FIP1L1: variants seen among roughly 807,000 people sequenced by gnomAD.
FIP1L1 encodes factor interacting with PAPOLA and CPSF1.
A neutral mutation model predicts 84.6 loss-of-function variants in FIP1L1; 21 were observed. The ratio of observed to expected loss-of-function variants is 0.25; its 90% CI spans 0.18 to 0.36. The LOEUF (loss-of-function observed/expected upper bound fraction) is 0.36. Among genes scored for constraint, FIP1L1 ranks in the 10% least tolerant of loss-of-function variants. The pLI is 1.00. For synonymous variants in FIP1L1, 263 were observed against 242.3 expected (o/e 1.09, Z -0.80); for missense variants, 526 against 751.1 (o/e 0.70, Z 3.50).
intron 13 of FIP1L1, among the ~76,000 whole-genome samples, chr4:53,430,913 T>C (rs1766366242): frequency 6.6e-6 from 1 of 152,228 alleles, no homozygotes; most frequent in Non-Finnish European, 1.5e-5. Context: ...CTAACTGGTA[T>C]ATGTGCTGAG....
intron 10 of FIP1L1, among the ~76,000 whole-genome samples, chr4:53,410,908 C>T (rs1756905802): frequency 6.6e-6 from 1 of 152,226 alleles, no homozygotes; most frequent in East Asian, 1.9e-4. Flanking sequence ...TTCAGGCATC[C>T]ACTGGAGGCC....
At chr4:53,427,983 A>G (rs745525323) in intron 12 of FIP1L1, 44 bp from the exon 13 acceptor site, 16 of 1,411,936 alleles carry the variant, frequency 1.1e-5, no homozygotes, top group Admixed American at 1.9e-5. Flanking sequence ...TTAATCTTAC[A>G]TAATATTTAT....
intron 5 of FIP1L1, among the ~76,000 whole-genome samples, chr4:53,388,431 T>C (rs1204476866): frequency 6.6e-6 from 1 of 152,076 alleles, no homozygotes; most frequent in Non-Finnish European, 1.5e-5. Context: ...GCCTCCTGGG[T>C]TCACGCCATT....
At chr4:53,428,229 C>A in intron 13 of FIP1L1, 46 bp downstream of exon 13, 2 of 1,470,816 alleles carry the variant, frequency 1.4e-6, no homozygotes, top group Admixed American at 2.2e-5. Context: ...AAATAGCTTG[C>A]GAGTGTTTTT....
intron 4 of FIP1L1, among the ~76,000 whole-genome samples, chr4:53,382,868 A>C (rs1478816796): frequency 3.3e-5 from 5 of 152,228 alleles, no homozygotes; most frequent in Admixed American, 2.0e-4. Flanking sequence ...CTTATTTACT[A>C]TGATGTGATT....
intron 3 of FIP1L1, among the ~76,000 whole-genome samples, chr4:53,380,956 A>G (rs893362050): frequency 5.3e-5 from 8 of 152,270 alleles, no homozygotes; most frequent in African/African-American, 1.9e-4. Flanking sequence ...CTAATCAAAC[A>G]TTCTTTAATT....
rs1749211441 is a variant in FIP1L1, at chr4:53,399,654, T to G, written c.706-76T>G. 3.3e-6 allele frequency: 3 copies of G among 906,880 alleles called. No homozygotes were observed. The East Asian group carries it at 7.3e-5, about 22-fold the overall frequency. The allele number at this position is 906,880 out of a possible 1,614,324, so 56.2% of individuals were successfully genotyped here. ...TAACTTCAAATTAAATGTTGTAAAC[T>G]TATTTTAACATCTAAAGTCCATTAT... is the stretch of plus-strand genomic sequence containing the variant. On this transcript the variant is annotated intron_variant, in intron 9 of 17. Transcript: ENST00000337488.
At chr4:53,410,697 A>G (rs1051313354) in intron 10 of FIP1L1, among the ~76,000 whole-genome samples, 1 of 152,262 alleles carries the variant, frequency 6.6e-6, no homozygotes, top group Non-Finnish European at 1.5e-5. Flanking sequence ...GATGTGTAAC[A>G]TAACTATTTG....
At chr4:53,447,100 A>G (rs1320563618) in intron 15 of FIP1L1, among the ~76,000 whole-genome samples, 1 of 151,878 alleles carries the variant, frequency 6.6e-6, no homozygotes, top group Non-Finnish European at 1.5e-5. Flanking sequence ...TTTGTTGGTG[A>G]TTTCTGTTTT....
intron 5 of FIP1L1, among the ~76,000 whole-genome samples, chr4:53,388,181 A>G (rs554918542): frequency 6.6e-6 from 1 of 152,334 alleles, no homozygotes; most frequent in East Asian, 1.9e-4. Flanking sequence ...TAAATGTAGT[A>G]CATCAGAGAC....
intron 9 of FIP1L1, among the ~76,000 whole-genome samples, chr4:53,393,411 AC>A (rs1243746194): frequency 6.6e-6 from 1 of 152,232 alleles, no homozygotes. Flanking sequence ...TTTTCATTAA[AC>A]AATTTGCAAA....
At chr4:53,434,270 C>G (rs1221156602) in intron 13 of FIP1L1, among the ~76,000 whole-genome samples, 1 of 151,814 alleles carries the variant, frequency 6.6e-6, no homozygotes, top group South Asian at 2.1e-4. Flanking sequence ...TGTACTTTTC[C>G]TAGAATAATT....
Position 53,377,783 on chromosome 4 carries a change from G to A in FIP1L1, c.-56G>A, listed in dbSNP as rs1241143697. 6.9e-7 allele frequency: 1 copy of A among 1,450,432 alleles called. No individual in the cohort carries two copies. The highest frequency in any genetic ancestry group is 2.5e-5 in the Admixed American group (1 of 40,002). The allele number at this position is 1,450,432 out of a possible 1,614,324, so 89.8% of individuals were successfully genotyped here. A position where few individuals can be genotyped will look rare whatever the true frequency, so the allele number is the denominator to read the frequency against. On this transcript the variant is annotated 5_prime_UTR_variant, in exon 1 of 18. Coordinates refer to ENST00000337488, the MANE Select transcript of FIP1L1 (RefSeq NM_030917.4). ...TCGCGCCTCGGGGCTGCGAGGCTGG[G>A]GAAGGGGTTGGAGGGGGCTGTTGAT...
At chr4:53,417,530 T>A (rs1760035157) in intron 11 of FIP1L1, among the ~76,000 whole-genome samples, 1 of 148,770 alleles carries the variant, frequency 6.7e-6, no homozygotes, top group Non-Finnish European at 1.5e-5. Context: ...TAATCCCAGC[T>A]ACTCGGGAGG....
chr4:53,377,860 C>A lies in FIP1L1; in HGVS notation c.22C>A (p.Arg8Ser). ...GGCCATGTCGGCCGGCGAGGTCGAG[C>A]GCCTAGTGTCGGAGCTGAGCGGCGG... MSAGEVE[R>S]LVSELSGGTG... The change falls in exon 1 of 18, where the codon CGC (arginine) becomes AGC (serine). Residue 8 changes from arginine (R) to serine (S), a missense_variant. By Grantham distance (110) the Arg-to-Ser change is moderately radical. Transcript: ENST00000337488. 1 of 1,595,100 alleles carries A rather than the reference C, an allele frequency of 6.3e-7. No individual in the cohort carries two copies.
At chr4:53,438,230 C>T (rs1770351985) in intron 13 of FIP1L1, among the ~76,000 whole-genome samples, 1 of 152,036 alleles carries the variant, frequency 6.6e-6, no homozygotes, top group South Asian at 2.1e-4. Context: ...AGTCTGTTGT[C>T]TAGGTTAGGC....
intron 13 of FIP1L1, among the ~76,000 whole-genome samples, chr4:53,434,155 CTG>C (rs1768019057): frequency 1.3e-5 from 2 of 152,056 alleles, no homozygotes; most frequent in Admixed American, 6.5e-5. Flanking sequence ...TATGTTTTAT[CTG>C]TTTTTTAATA....
chr4:53,460,576 A>G lies in FIP1L1; in HGVS notation c.*1127A>G, dbSNP rs1436775618. The stretch of plus-strand genomic sequence containing the variant: ...TAATGTACCCTTGGCAGACTTCAGC[A>G]TATACCAAATTTTAAATTTAAATCA... On this transcript the variant is annotated 3_prime_UTR_variant, in exon 18 of 18. Transcript: ENST00000337488. 2 of 251,780 alleles carry G rather than the reference A, an allele frequency of 7.9e-6. No homozygotes were observed. Among genetic ancestry groups the G allele is most frequent in the Non-Finnish European group, 1.5e-5 (2 of 132,400 alleles). 15.6% of individuals were successfully genotyped at this position (251,780 alleles called of 1,614,324 possible). A position where few individuals can be genotyped will look rare whatever the true frequency, so the allele number is the denominator to read the frequency against.
chr4:53,381,650 AATTG>A (rs1444007260), intron 3 of FIP1L1, among the ~76,000 whole-genome samples: 2 of 152,068 alleles, frequency 1.3e-5, no homozygotes, highest in African/African-American at 4.8e-5. Flanking sequence ...GGATAATTAA[AATTG>A]ATTAAGTTTG....
Sources: allele counts gnomAD v4.1 joint callset (sites outside exome capture counted in the v4.1 genomes callset), GRCh38; gene constraint gnomAD v4.1.1; transcripts MANE v1.5; gene names NCBI Gene and HGNC (gene_info 2026-07-23, HGNC 2026-07-21).